Variants in EYA2 observed in about 807,000 individuals in gnomAD.
The protein encoded by EYA2 is protein phosphatase EYA2.
Under a neutral mutation model 69.2 loss-of-function variants are expected in EYA2, and 31 were observed. The ratio of observed to expected loss-of-function variants is 0.45; its 90% confidence interval spans 0.34 to 0.60. The LOEUF is 0.60. EYA2 is among the 20% of genes least tolerant of loss of function. EYA2 has a pLI of 0.02. For missense variants in EYA2, 622 were observed against 701.2 expected, an observed-to-expected ratio of 0.89 and a Z score of 1.28; for synonymous variants, 257 against 279.4, an observed-to-expected ratio of 0.92 and a Z score of 0.80.
At chr20:47,138,008 A>T in intron 9 of EYA2, among the ~76,000 whole-genome samples, 1 of 141,410 alleles carries the variant, frequency 7.1e-6, no homozygotes. Context: ...GGGAGGGGGG[A>T]GGGATAGCTT....
intron 8 of EYA2, among the ~76,000 whole-genome samples, chr20:47,092,959 T>C (rs895665676): frequency 6.6e-6 from 1 of 152,174 alleles, no homozygotes; most frequent in Non-Finnish European, 1.5e-5. Flanking sequence ...CTTGAGCTAC[T>C]TAGGTGAAAA....
intron 10 of EYA2, chr20:47,160,921 A>ACCTGAATT (rs1283449379): frequency 4.1e-6 from 1 of 246,252 alleles, no homozygotes; most frequent in East Asian, 9.2e-5. Context: ...TGAATTCCTG[A>ACCTGAATT]CCTGAATTCC....
chr20:47,154,003 T>C (rs1182333027), intron 10 of EYA2, among the ~76,000 whole-genome samples: 2 of 152,086 alleles, frequency 1.3e-5, no homozygotes, highest in African/African-American at 4.8e-5. Flanking sequence ...AATCCTATTA[T>C]GATCCCCATT....
rs1455510214 is a variant in EYA2 at position 47,172,737 on chromosome 20, C to T, written c.1068C>T (p.His356=). Reference sequence around the variant, plus strand: ...ACAACTTCTCCGCTGACGGCTTCCACAGTTCGGCCCCAGGAGCCAACCTGT... The same window carrying T: ...ACAACTTCTCCGCTGACGGCTTCCATAGTTCGGCCCCAGGAGCCAACCTGT... ...STYNFSADGF[H]SSAPGANLCL... The change falls in exon 12 of 16, where the codon CAC becomes CAT. Residue 356 remains histidine, a synonymous_variant. Coordinates refer to ENST00000327619, the MANE Select transcript of EYA2 (RefSeq NM_005244.5). The T allele has an allele frequency of 6.2e-7, 1 of 1,613,666 alleles. No individual in the cohort carries two copies. The highest frequency in any genetic ancestry group is 1.7e-4 in the Middle Eastern group (1 of 6,008).
intron 5 of EYA2, among the ~76,000 whole-genome samples, chr20:47,022,775 T>G (rs1983834001): frequency 6.7e-6 from 1 of 150,288 alleles, no homozygotes; most frequent in Non-Finnish European, 1.5e-5. Flanking sequence ...CGCCTCAGCC[T>G]TCCGAGTAGC....
intron 4 of EYA2, among the ~76,000 whole-genome samples, chr20:47,010,063 CTTTGT>C (rs1183448280): frequency 6.6e-6 from 1 of 152,138 alleles, no homozygotes; most frequent in African/African-American, 2.4e-5. Flanking sequence ...TCTTTTAGGG[CTTTGT>C]TTGTTTCTCA....
chr20:46,984,329 G>A (rs1018628179), intron 1 of EYA2, among the ~76,000 whole-genome samples: 27 of 150,996 alleles, frequency 1.8e-4, no homozygotes, highest in Non-Finnish European at 1.3e-4. Flanking sequence ...TACAGCATTC[G>A]AAAAACACAT....
rs572830215 is a variant in EYA2 at position 47,068,812 on chromosome 20, G to A, written c.416-3373G>A. ...CCTGGAGTCCATTGTGTTCATTTTA[G>A]CCACTTTATAAAAAGTAGTGTGGGC... On this transcript the variant is annotated intron_variant, in intron 5 of 15. Coordinates refer to ENST00000327619, the MANE Select transcript of EYA2 (RefSeq NM_005244.5). Among the ~76,000 whole-genome samples the A allele has an allele frequency of 1.8e-4, 27 of 152,156 alleles. No homozygotes were observed. The South Asian group carries it at 2.9e-3, about 16-fold the overall frequency.
At position 46,987,916 on chromosome 20, in the gene EYA2, G is replaced by GACTCACTC. The variant is rs56288405; in HGVS notation, c.-10-2085_-10-2084insACTCACTC. On this transcript the variant is annotated intron_variant, in intron 1 of 15. Coordinates refer to ENST00000327619, the MANE Select transcript of EYA2 (RefSeq NM_005244.5). ...TACTCCAGCCTGGAAGACAGAGTAA[G>GACTCACTC]TCTCTCTCTCTCTCTCTCTCTCTCT... 5.9e-4 allele frequency among the ~76,000 whole-genome samples: 12 copies of GACTCACTC among 20,372 alleles called. 1 individual carries two copies. Among genetic ancestry groups the GACTCACTC allele is most frequent in the African/African-American group, 1.8e-3 (11 of 6,026 alleles). 13.4% of individuals were successfully genotyped at this position (20,372 alleles called of 152,430 possible).
intron 4 of EYA2, among the ~76,000 whole-genome samples, chr20:47,012,819 TA>T (rs1271990674): frequency 6.6e-6 from 1 of 152,202 alleles, no homozygotes; most frequent in African/African-American, 2.4e-5. Flanking sequence ...AAAAACATAC[TA>T]AATACAAGTC....
chr20:47,072,204 A>C lies in EYA2; in HGVS notation c.435A>C (p.Gln145His), dbSNP rs1211922780. The C allele has an allele frequency of 3.1e-6, 5 of 1,613,172 alleles. No homozygotes were observed. The highest frequency in any genetic ancestry group is 3.4e-6 in the Non-Finnish European group (4 of 1,179,648). Residue 145 changes from glutamine to histidine, a missense_variant, in exon 6 of 16, where the codon CAA becomes CAC. Gln to His is a conservative substitution (Grantham distance 24). Around this residue, in one of 2 missense-constraint regions of EYA2, gnomAD observed 365 missense variants for 349.7 expected, o/e 1.04. Coordinates refer to ENST00000327619, the MANE Select transcript of EYA2 (RefSeq NM_005244.5). ...CCACAGGCACAACAGGGTTCTATCA[A>C]GGAGGAAATGGACTGGGCAACGCAG... ...YQMHGTTGFY[Q>H]GGNGLGNAAG...
intron 9 of EYA2, among the ~76,000 whole-genome samples, chr20:47,140,336 C>G (rs779029012): frequency 6.6e-6 from 1 of 152,132 alleles, no homozygotes; most frequent in African/African-American, 2.4e-5. Context: ...CTTTGGCTCT[C>G]GGGGCCTTGA....
At chr20:46,961,092 T>C (rs1979446955) in intron 1 of EYA2, among the ~76,000 whole-genome samples, 1 of 152,202 alleles carries the variant, frequency 6.6e-6, no homozygotes, top group Non-Finnish European at 1.5e-5. Flanking sequence ...CCCAGCACTC[T>C]GGGAGGCCGA....
intron 1 of EYA2, among the ~76,000 whole-genome samples, chr20:46,970,702 A>T (rs1377201273): frequency 6.6e-6 from 1 of 152,210 alleles, no homozygotes; most frequent in Non-Finnish European, 1.5e-5. Flanking sequence ...AAGAAGAAGC[A>T]GGCGGCTCCA....
chr20:47,133,574 A>G (rs1410876338), intron 9 of EYA2, among the ~76,000 whole-genome samples: 1 of 152,140 alleles, frequency 6.6e-6, no homozygotes, highest in Non-Finnish European at 1.5e-5. Flanking sequence ...TCAATGATTG[A>G]CTAGAACTCA....
intron 1 of EYA2, among the ~76,000 whole-genome samples, chr20:46,976,471 C>T (rs1250058195): frequency 2.0e-5 from 3 of 152,112 alleles, no homozygotes; most frequent in East Asian, 1.9e-4. Flanking sequence ...CTGCAAACTC[C>T]GCCTCCCGGG....
chr20:46,974,964 A>G (rs1430721203), intron 1 of EYA2, among the ~76,000 whole-genome samples: 4 of 152,054 alleles, frequency 2.6e-5, no homozygotes, highest in Non-Finnish European at 5.9e-5. Flanking sequence ...AACTTGCATC[A>G]TGTGTTTTTC....
intron 14 of EYA2, 139 bp from the exon 15 acceptor site, chr20:47,183,152 A>C (rs919147217): frequency 1.4e-5 from 10 of 738,604 alleles, no homozygotes; most frequent in Non-Finnish European, 2.3e-5. Flanking sequence ...CTCACCTCAG[A>C]AGTTTGCTCA....
At chr20:47,097,506 G>A (rs566755664) in intron 9 of EYA2, among the ~76,000 whole-genome samples, 2 of 152,210 alleles carry the variant, frequency 1.3e-5, no homozygotes, top group Non-Finnish European at 2.9e-5. Context: ...GCTAGAAAAC[G>A]AGGTAAAGTA....
Sources: allele counts gnomAD v4.1 joint callset (sites outside exome capture counted in the v4.1 genomes callset), GRCh38; gene constraint gnomAD v4.1.1; regional missense constraint gnomAD v4.1.1; transcripts MANE v1.5; gene names NCBI Gene and HGNC (gene_info 2026-07-23, HGNC 2026-07-21).